Variants in SPMIP2 observed in about 807,000 individuals in gnomAD.
SPMIP2 encodes protein SPMIP2.
At chr4:158,993,060 A>G in the SPMIP2 span, among the ~76,000 whole-genome samples, 6 of 152,214 alleles carry the variant, frequency 3.9e-5, no homozygotes, top group South Asian at 1.2e-3. Flanking sequence ...TCAGTCCAAC[A>G]AACTTCATCT....
chr4:158,895,771 A>G, the SPMIP2 span: 1 of 1,611,882 alleles, frequency 6.2e-7, no homozygotes, highest in African/African-American at 1.3e-5. Flanking sequence ...TCTTGAAGAT[A>G]GACTACAGGA....
At chr4:158,938,031 G>T in the SPMIP2 span, among the ~76,000 whole-genome samples, 1 of 152,306 alleles carries the variant, frequency 6.6e-6, no homozygotes, top group African/African-American at 2.4e-5. Context: ...ATGAATTTAT[G>T]AAATGGGTCT....
the SPMIP2 span, among the ~76,000 whole-genome samples, chr4:159,055,473 C>T: frequency 6.6e-6 from 1 of 152,102 alleles, no homozygotes; most frequent in Non-Finnish European, 1.5e-5. Flanking sequence ...GAGGCCAAGG[C>T]AAAGCAGGCA....
the SPMIP2 span, among the ~76,000 whole-genome samples, chr4:159,014,484 T>C: frequency 6.6e-6 from 1 of 151,368 alleles, no homozygotes; most frequent in African/African-American, 2.4e-5. Flanking sequence ...TGCTACTCAC[T>C]GTAAGTGGAT....
At chr4:158,915,082 A>C in the SPMIP2 span, 1 of 1,113,204 alleles carries the variant, frequency 9.0e-7, no homozygotes, top group Non-Finnish European at 1.3e-6. Context: ...ACTGATTATT[A>C]GTATTACTAT....
chr4:159,007,513 T>C, the SPMIP2 span: 5 of 835,668 alleles, frequency 6.0e-6, no homozygotes, highest in East Asian at 1.3e-4. Flanking sequence ...TCCTCAAGAT[T>C]GAAGATGGAT....
chr4:158,895,890 T>G, the SPMIP2 span: 2 of 1,516,214 alleles, frequency 1.3e-6, no homozygotes, highest in Non-Finnish European at 1.8e-6. Flanking sequence ...GTGCCGTCAC[T>G]TGTCCCTTTG....
At chr4:158,989,602 A>T in the SPMIP2 span, among the ~76,000 whole-genome samples, 1 of 152,200 alleles carries the variant, frequency 6.6e-6, no homozygotes, top group Non-Finnish European at 1.5e-5. Flanking sequence ...CTGATCTTTG[A>T]CAAACCTGAC....
At chr4:159,048,611 C>T in the SPMIP2 span, among the ~76,000 whole-genome samples, 1 of 151,804 alleles carries the variant, frequency 6.6e-6, no homozygotes, top group Admixed American at 6.6e-5. Flanking sequence ...ACGGTTTTTC[C>T]TCCCACATTC....
At chr4:158,928,906 G>A in the SPMIP2 span, among the ~76,000 whole-genome samples, 1 of 152,078 alleles carries the variant, frequency 6.6e-6, no homozygotes, top group East Asian at 1.9e-4. Context: ...GAGCCAGCGA[G>A]ACCACGATCC....
the SPMIP2 span, among the ~76,000 whole-genome samples, chr4:158,998,484 C>T: frequency 2.0e-5 from 3 of 152,166 alleles, no homozygotes; most frequent in Admixed American, 2.0e-4. Context: ...TGTACAATAA[C>T]AGGTCCCAGT....
chr4:158,959,267 T>G, the SPMIP2 span, among the ~76,000 whole-genome samples: 1 of 152,232 alleles, frequency 6.6e-6, no homozygotes, highest in African/African-American at 2.4e-5. Context: ...TGTTTTTCTT[T>G]GCTTGGAAAT....
At chr4:159,068,805 A>T in the SPMIP2 span, among the ~76,000 whole-genome samples, 1 of 152,224 alleles carries the variant, frequency 6.6e-6, no homozygotes, top group Admixed American at 6.5e-5. Context: ...GTAAATTGGG[A>T]TGGAGAAGAA....
the SPMIP2 span, among the ~76,000 whole-genome samples, chr4:158,966,539 C>G: frequency 6.6e-6 from 1 of 152,192 alleles, no homozygotes; most frequent in Non-Finnish European, 1.5e-5. Context: ...CCTACCTATT[C>G]TAAGTTATAG....
At chr4:158,901,572 C>T in the SPMIP2 span, among the ~76,000 whole-genome samples, 1 of 152,106 alleles carries the variant, frequency 6.6e-6, no homozygotes, top group East Asian at 1.9e-4. Flanking sequence ...GGATAATAAC[C>T]TGAAGTGTGT....
At chr4:159,052,952 A>AT in the SPMIP2 span, among the ~76,000 whole-genome samples, 2,033 of 102,464 alleles carry the variant, frequency 0.02, 16 homozygotes, top group East Asian at 0.12. Flanking sequence ...TATTATTATT[A>AT]TTATTTTTTT....
At chr4:159,014,026 A>G in the SPMIP2 span, among the ~76,000 whole-genome samples, 3 of 152,212 alleles carry the variant, frequency 2.0e-5, no homozygotes, top group Non-Finnish European at 2.9e-5. Flanking sequence ...GGAAGAGGTG[A>G]TAGTTGCAAG....
chr4:159,082,463 G>GTGTGTGTA, the SPMIP2 span, among the ~76,000 whole-genome samples: 174 of 148,774 alleles, frequency 1.2e-3, no homozygotes, highest in African/African-American at 2.8e-3. Flanking sequence ...GTGTGTGTGT[G>GTGTGTGTA]TGTGTGTGTG....
the SPMIP2 span, among the ~76,000 whole-genome samples, chr4:159,036,635 C>T: frequency 1.2e-4 from 18 of 152,174 alleles, no homozygotes; most frequent in Non-Finnish European, 2.4e-4. Context: ...CACATATGCA[C>T]AAATGTATTA....
Sources: gnomAD v4.1 joint callset for allele counts (sites outside exome capture counted in the v4.1 genomes callset) on GRCh38, gnomAD v4.1.1 for gene constraint, MANE v1.5 for transcripts, NCBI Gene and HGNC (gene_info 2026-07-23, HGNC 2026-07-21) for gene names.